TBX6: variants seen among roughly 807,000 people sequenced by gnomAD.
TBX6 encodes the protein T-box transcription factor 6, also known as T-box transcription factor TBX6.
A neutral mutation model predicts 42.3 loss-of-function variants in TBX6; 29 were observed. The observed-to-expected ratio is 0.69, with a 90% confidence interval of 0.51 to 0.93. The LOEUF (loss-of-function observed/expected upper bound fraction) is 0.93, where lower values mean the gene tolerates loss of function less well. Among genes scored for constraint, TBX6 ranks in the 40% least tolerant of loss-of-function variants. The pLI is 0.00. For synonymous variants in TBX6, 249 were observed against 245.1 expected, an observed-to-expected ratio of 1.02 and a Z score of -0.15; for missense variants, 569 against 603.3, an observed-to-expected ratio of 0.94 and a Z score of 0.59.
chr16:30,089,064 C>T lies in TBX6; in HGVS notation c.500G>A (p.Arg167His), dbSNP rs201799291. 85 of 1,613,816 alleles carry T rather than the reference C, an allele frequency of 5.3e-5. No individual in the cohort carries two copies. Among genetic ancestry groups the T allele is most frequent in the East Asian group, 1.1e-4 (5 of 44,882 alleles). ...GTGAATGTAGACACGGTCAGGCAGG[C>T]GGGGCTCTGCCTTGCCGCTGGGCTC... ...RWEPSGKAEP[R>H]LPDRVYIHPD... The change falls in exon 4 of 9, where the codon CGC (arginine) becomes CAC (histidine). Residue 167 changes from arginine (R) to histidine (H), a missense_variant. Arg to His is a conservative substitution (Grantham distance 29). Around this residue, in one of 3 missense-constraint regions of TBX6, gnomAD observed 190 missense variants for 250.6 expected, o/e 0.76. Coordinates refer to ENST00000395224, the MANE Select transcript of TBX6 (RefSeq NM_004608.4).
At chr16:30,089,968 C>T (rs893747824) in intron 3 of TBX6, among the ~76,000 whole-genome samples, 3 of 148,038 alleles carry the variant, frequency 2.0e-5, no homozygotes, top group African/African-American at 7.5e-5. Context: ...AGCCAGAGGG[C>T]GGAATCTTAG....
chr16:30,087,474 C>T (rs757226450), intron 6 of TBX6, among the ~76,000 whole-genome samples: 1 of 152,076 alleles, frequency 6.6e-6, no homozygotes, highest in Non-Finnish European at 1.5e-5. Flanking sequence ...TCATAACATC[C>T]GTCACAGTTC....
intron 3 of TBX6, 21 bp from the exon 4 acceptor site, chr16:30,089,231 G>A (rs376943247): frequency 6.2e-7 from 1 of 1,600,262 alleles, no homozygotes; most frequent in African/African-American, 1.3e-5. Context: ...GAGGGGACAG[G>A]AGAGGCCTGG....
At chr16:30,091,330 G>T in intron 1 of TBX6, 89 bp from the exon 2 acceptor site, 2 of 789,458 alleles carry the variant, frequency 2.5e-6, no homozygotes, top group Non-Finnish European at 3.9e-6. Flanking sequence ...CTGGAGTTGG[G>T]CTGGGGTGGA....
rs767360040 is a variant in TBX6, at chr16:30,090,818, C to T, written c.293G>A (p.Arg98Gln). The part of the protein sequence containing the change: ...LPGVSLSLEN[R>Q]ELWKEFSSVG... Reference sequence around the variant, plus strand: ...AGAGCTGAACTCCTTCCATAGCTCCCGGTTCTCCAGGCTCAGGCTGACCCC... The same window carrying T: ...AGAGCTGAACTCCTTCCATAGCTCCTGGTTCTCCAGGCTCAGGCTGACCCC... Residue 98 changes from arginine to glutamine, a missense_variant, in exon 3 of 9, where the codon CGG (arginine) becomes CAG (glutamine). Physicochemically the swap from Arg to Gln is conservative, Grantham distance 43. This residue lies in a region of TBX6 where 190 missense variants were observed against 250.6 expected (regional missense o/e 0.76). Transcript: ENST00000395224. The T allele has an allele frequency of 3.7e-6, 6 of 1,603,226 alleles. No individual in the cohort carries two copies. Among genetic ancestry groups the T allele is most frequent in the Non-Finnish European group, 5.1e-6 (6 of 1,174,594 alleles).
At position 30,086,871 on chromosome 16, in the gene TBX6, A is replaced by G. The variant is rs548850160; in HGVS notation, c.840-20T>C. 9.3e-4 allele frequency: 567 copies of G among 609,498 alleles called. 2 individuals are homozygous for G. Among genetic ancestry groups the G allele is most frequent in the African/African-American group, 9.2e-3 (472 of 51,260 alleles). The allele number at this position is 609,498 out of a possible 1,614,324, so 37.8% of individuals were successfully genotyped here. A position where few individuals can be genotyped will look rare whatever the true frequency, so the allele number is the denominator to read the frequency against. The stretch of plus-strand genomic sequence containing the variant: ...CGCTCCCTGGGGAACAGTGGTGGTG[A>G]TGATGATGATGATGGTGATGGCCAT... On this transcript the variant is annotated intron_variant, in intron 6 of 8. Transcript: ENST00000395224. This position sits in a 1 kb window ranked among gnomAD's most constrained non-coding sequence, Gnocchi z 4.6.
chr16:30,089,005 G>T lies in TBX6; in HGVS notation c.559C>A (p.Arg187=), dbSNP rs756149466. ...ACACGATGGAAAGACACAGGCTGCC[G>T]CATCCAATGTGCACCAGTGGCAGGA... The part of the protein sequence containing the change: ...DSPATGAHWM[R]QPVSFHRVKL... The change falls in exon 4 of 9, where the codon CGG becomes AGG. Residue 187 remains arginine (R), a synonymous_variant. Transcript: ENST00000395224. 1 of 1,613,864 alleles carries T rather than the reference G, an allele frequency of 6.2e-7. No homozygotes were observed.
At position 30,089,012 on chromosome 16, in the gene TBX6, A is replaced by T. The variant is rs777847301; in HGVS notation, c.552T>A (p.His184Gln). ...GGAAAGACACAGGCTGCCGCATCCA[A>T]TGTGCACCAGTGGCAGGAGAGTCGG... ...IHPDSPATGA[H>Q]WMRQPVSFHR... Residue 184 changes from histidine (H) to glutamine (Q), a missense_variant, in exon 4 of 9, where the codon CAT (histidine) becomes CAA (glutamine). Physicochemically the swap from His to Gln is conservative, Grantham distance 24. Coordinates refer to ENST00000395224, the MANE Select transcript of TBX6 (RefSeq NM_004608.4). 2 of 1,613,792 alleles carry T rather than the reference A, an allele frequency of 1.2e-6. No individual in the cohort carries two copies. The highest frequency in any genetic ancestry group is 8.5e-7 in the Non-Finnish European group (1 of 1,179,904).
Position 30,088,754 on chromosome 16 carries a change from A to G in TBX6, c.707T>C (p.Met236Thr). Reference sequence around the variant, plus strand: ...GGTCTCGGGGAAGCGGAAGGAGGCCATGCCCCCCCAGTGCTGGCTGCAGAG... The same window carrying G: ...GGTCTCGGGGAAGCGGAAGGAGGCCGTGCCCCCCCAGTGCTGGCTGCAGAG... ...AQLCSQHWGG[M>T]ASFRFPETTF... Residue 236 changes from methionine (M) to threonine (T), a missense_variant, in exon 5 of 9, where the codon ATG (methionine) becomes ACG (threonine). By Grantham distance (81) the Met-to-Thr change is moderately conservative (BLOSUM62 -1). Coordinates refer to ENST00000395224, the MANE Select transcript of TBX6 (RefSeq NM_004608.4). The surrounding 1 kb of genome is among the most constrained non-coding windows in gnomAD (Gnocchi z 4.1). 1 of 1,614,032 alleles carries G rather than the reference A, an allele frequency of 6.2e-7. No homozygotes were observed. Among genetic ancestry groups the G allele is most frequent in the African/African-American group, 1.3e-5 (1 of 75,040 alleles).
rs1459840901 is a variant in TBX6 at position 30,086,114 on chromosome 16, C to T, written c.*111G>A. Reference sequence around the variant, plus strand: ...AAGTTGAGGGGGTGGGTGGGCAGGCCCAAGGCGGCCATTTGGTGTGGGGGA... The same window carrying T: ...AAGTTGAGGGGGTGGGTGGGCAGGCTCAAGGCGGCCATTTGGTGTGGGGGA... On this transcript the variant is annotated 3_prime_UTR_variant, in exon 9 of 9. Transcript: ENST00000395224. This position sits in a 1 kb window ranked among gnomAD's most constrained non-coding sequence, Gnocchi z 4.6. 8.4e-7 allele frequency: 1 copy of T among 1,186,442 alleles called. No individual in the cohort carries two copies. Among genetic ancestry groups the T allele is most frequent in the East Asian group, 2.7e-5 (1 of 37,230 alleles). 73.5% of individuals were successfully genotyped at this position (1,186,442 alleles called of 1,614,324 possible). A position where few individuals can be genotyped will look rare whatever the true frequency, so the allele number is the denominator to read the frequency against.
In TBX6 at chr16:30,089,219, G is replaced by C. The variant is rs1567342091; in HGVS notation, c.354-9C>G. 2 of 1,610,868 alleles carry C rather than the reference G, an allele frequency of 1.2e-6. No homozygotes were observed. Among genetic ancestry groups the C allele is most frequent in the African/African-American group, 1.3e-5 (1 of 75,028 alleles). On this transcript the variant is annotated splice_polypyrimidine_tract_variant and intron_variant, in intron 3 of 8. Coordinates refer to ENST00000395224, the MANE Select transcript of TBX6 (RefSeq NM_004608.4). ...AGGCAGGGAACATGCGCCTGTGCAA[G>C]GGAGGGGACAGGAGAGGCCTGGAGC...
chr16:30,086,407 C>T lies in TBX6; in HGVS notation c.1129G>A (p.Gly377Arg), dbSNP rs373040194. 7.1e-5 allele frequency: 109 copies of T among 1,546,084 alleles called. No homozygotes were observed. Among genetic ancestry groups the T allele is most frequent in the African/African-American group, 2.7e-4 (19 of 71,452 alleles). ...GCAGCCGAGTAGGGGGCTGAGCGCC[C>T]GGAGTCTGGAGCCTCCGGGAAGCTG... ...SPSFPEAPDS[G>R]RSAPYSAAFL... The change falls in exon 9 of 9, where the codon GGG becomes AGG. Residue 377 changes from glycine (G) to arginine (R), a missense_variant. This residue lies in a region of TBX6 where 245 missense variants were observed against 227.4 expected (regional missense o/e 1.08). Transcript: ENST00000395224. This position sits in a 1 kb window ranked among gnomAD's most constrained non-coding sequence, Gnocchi z 4.6.
rs764173907 is a variant in TBX6 at position 30,088,524 on chromosome 16, AAATG to A, written c.839+17_839+20del. 40 of 1,614,224 alleles carry A rather than the reference AAATG, an allele frequency of 2.5e-5. No individual in the cohort carries two copies. In the East Asian group the frequency reaches 4.9e-4, roughly 20 times the overall value. On this transcript the variant is annotated intron_variant, in intron 6 of 8. Transcript: ENST00000395224. The surrounding 1 kb of genome is among the most constrained non-coding windows in gnomAD (Gnocchi z 4.1). ...ATAAACATTTGTTGAATGCATGAAC[AAATG>A]AATGAACAACTCCCACCTCTTACAG...
chr16:30,088,524 A>G lies in TBX6; in HGVS notation c.839+21T>C. On this transcript the variant is annotated intron_variant, in intron 6 of 8. Coordinates refer to ENST00000395224, the MANE Select transcript of TBX6 (RefSeq NM_004608.4). The surrounding 1 kb of genome is among the most constrained non-coding windows in gnomAD (Gnocchi z 4.1). The stretch of plus-strand genomic sequence containing the variant: ...ATAAACATTTGTTGAATGCATGAAC[A>G]AATGAATGAACAACTCCCACCTCTT... 1 of 1,614,224 alleles carries G rather than the reference A, an allele frequency of 6.2e-7. No individual in the cohort carries two copies. Among genetic ancestry groups the G allele is most frequent in the Non-Finnish European group, 8.5e-7 (1 of 1,180,038 alleles).
chr16:30,087,377 T>C (rs1473252852), intron 6 of TBX6, among the ~76,000 whole-genome samples: 2 of 152,116 alleles, frequency 1.3e-5, no homozygotes, highest in Non-Finnish European at 2.9e-5. Flanking sequence ...ACTACAGGCA[T>C]GAGCCACCAA....
Position 30,090,979 on chromosome 16 carries a change from A to C in TBX6, c.132T>G (p.Pro44=), listed in dbSNP as rs760575182. 13 of 1,613,338 alleles carry C rather than the reference A, an allele frequency of 8.1e-6. No homozygotes were observed. In the South Asian group the frequency reaches 1.4e-4, roughly 18 times the overall value. The change falls in exon 3 of 9, where the codon CCT becomes CCG. Residue 44 remains proline (P), a synonymous_variant. Coordinates refer to ENST00000395224, the MANE Select transcript of TBX6 (RefSeq NM_004608.4). ...EGYRYPELDT[P]KLDCFLSGME... is the part of the protein sequence containing the mutation. ...TCCCGGAGAGGAAGCAATCCAGTTT[A>C]GGGGTGTCCAGTTCTGGAAGCCGGG...
In TBX6 at chr16:30,091,204, C is replaced by T. The variant is rs767095581; in HGVS notation, c.-11G>A. On this transcript the variant is annotated 5_prime_UTR_variant, in exon 2 of 9. Transcript: ENST00000395224. ...TCGTGGATGGTACATGTTGTAGTTC[C>T]GTCTGGCCTCAGGTCTCGCTGCTTA... 36 of 1,550,778 alleles carry T rather than the reference C, an allele frequency of 2.3e-5. No individual in the cohort carries two copies. In the African/African-American group the frequency reaches 3.4e-4, roughly 15 times the overall value.
In TBX6 at chr16:30,086,040, T is replaced by G; in HGVS notation, c.*185A>C. 3.4e-6 allele frequency: 2 copies of G among 582,878 alleles called. No homozygotes were observed. The highest frequency in any genetic ancestry group is 5.9e-6 in the Non-Finnish European group (2 of 339,302). The allele number at this position is 582,878 out of a possible 1,614,324, so 36.1% of individuals were successfully genotyped here. ...GGCCCCAGCTGGACTCCCAGCAGCCTTGGTTAGGCTTTGAAGCCAGAGGGG... is the reference window on the plus strand; with the variant it reads ...GGCCCCAGCTGGACTCCCAGCAGCCGTGGTTAGGCTTTGAAGCCAGAGGGG... On this transcript the variant is annotated 3_prime_UTR_variant, in exon 9 of 9. Coordinates refer to ENST00000395224, the MANE Select transcript of TBX6 (RefSeq NM_004608.4). This position sits in a 1 kb window ranked among gnomAD's most constrained non-coding sequence, Gnocchi z 4.6.
chr16:30,090,029 G>A (rs554172879), intron 3 of TBX6, among the ~76,000 whole-genome samples: 7 of 151,934 alleles, frequency 4.6e-5, no homozygotes, highest in South Asian at 2.1e-4. Context: ...CAGGACAGAC[G>A]GGTTAAGTGA....
Sources: allele counts gnomAD v4.1 joint callset (sites outside exome capture counted in the v4.1 genomes callset), GRCh38; gene constraint gnomAD v4.1.1; regional missense constraint gnomAD v4.1.1; non-coding constraint Gnocchi (gnomAD v3.1); transcripts MANE v1.5; gene names NCBI Gene and HGNC (gene_info 2026-07-23, HGNC 2026-07-21).